TENM3: variants seen among roughly 807,000 people sequenced by gnomAD.
TENM3 encodes the protein teneurin-3.
A neutral mutation model predicts 255.1 loss-of-function variants in TENM3; 63 were observed. That is an observed-to-expected ratio of 0.25 (90% confidence interval 0.20 to 0.30). The LOEUF (loss-of-function observed/expected upper bound fraction) is 0.30, where lower values mean the gene tolerates loss of function less well. Ranked by LOEUF, TENM3 falls within the 10% of genes least tolerant of loss-of-function variation. TENM3 has a pLI of 1.00. For synonymous variants in TENM3, 1,306 were observed against 1,322.3 expected (o/e 0.99, Z 0.27); for missense variants, 2,929 against 3,461.1 (o/e 0.85, Z 3.86).
At chr4:182,151,000 A>G (rs1175901273) in intron 1 of TENM3, among the ~76,000 whole-genome samples, 3 of 152,130 alleles carry the variant, frequency 2.0e-5, no homozygotes, top group African/African-American at 4.8e-5. Flanking sequence ...GAGTTAAATT[A>G]TGCTCAACTA....
At chr4:182,459,155 C>CA (rs1163505588) in intron 3 of TENM3, among the ~76,000 whole-genome samples, 20 of 151,944 alleles carry the variant, frequency 1.3e-4, no homozygotes, top group African/African-American at 4.4e-4. Flanking sequence ...ACCAGCATTT[C>CA]AAAAAAATTA....
At chr4:181,736,409 G>T in the TENM3 span, among the ~76,000 whole-genome samples, 1 of 152,140 alleles carries the variant, frequency 6.6e-6, no homozygotes, top group Non-Finnish European at 1.5e-5. Flanking sequence ...AATTGCCAAT[G>T]ATAAGACAAC....
the TENM3 span, among the ~76,000 whole-genome samples, chr4:182,107,986 A>C: frequency 6.6e-6 from 1 of 152,110 alleles, no homozygotes; most frequent in African/African-American, 2.4e-5. Flanking sequence ...TTGTTTTGAC[A>C]TTTTTCTGTA....
Position 182,641,739 on chromosome 4 carries a change from C to T in TENM3, c.989-12032C>T, listed in dbSNP as rs1015253077. 1.2e-4 allele frequency among the ~76,000 whole-genome samples: 18 copies of T among 152,152 alleles called. No homozygotes were observed. The East Asian group carries it at 3.3e-3, about 28-fold the overall frequency. The stretch of plus-strand genomic sequence containing the variant: ...GCGGCGTTTTGCCATGTTGGTCAAG[C>T]TGGTCTCAAACTCCTGACCTCAAGT... On this transcript the variant is annotated intron_variant, in intron 5 of 27. Transcript: ENST00000511685.
the TENM3 span, among the ~76,000 whole-genome samples, chr4:182,091,824 C>A: frequency 6.6e-6 from 1 of 152,160 alleles, no homozygotes; most frequent in Non-Finnish European, 1.5e-5. Context: ...CAGACTCCTA[C>A]CCCTAGCATC....
At chr4:182,648,181 G>C (rs1316416696) in intron 5 of TENM3, among the ~76,000 whole-genome samples, 1 of 152,152 alleles carries the variant, frequency 6.6e-6, no homozygotes, top group Non-Finnish European at 1.5e-5. Flanking sequence ...GAAAGGAAAG[G>C]CTGCTAGCCT....
At chr4:181,817,560 C>T in the TENM3 span, among the ~76,000 whole-genome samples, 1,018 of 152,188 alleles carry the variant, frequency 6.7e-3, 20 homozygotes, top group African/African-American at 0.023. Flanking sequence ...AAAATTTATG[C>T]CTTGGAAACT....
At chr4:182,606,038 C>G (rs1748386658) in intron 4 of TENM3, among the ~76,000 whole-genome samples, 1 of 152,174 alleles carries the variant, frequency 6.6e-6, no homozygotes, top group African/African-American at 2.4e-5. Context: ...GCAGGTAAGG[C>G]TCCAGACTTG....
chr4:181,748,580 G>A, the TENM3 span, among the ~76,000 whole-genome samples: 1 of 152,056 alleles, frequency 6.6e-6, no homozygotes, highest in Non-Finnish European at 1.5e-5. Flanking sequence ...TTATACAGTA[G>A]CCAGAAGGCG....
At chr4:181,827,655 G>A in the TENM3 span, among the ~76,000 whole-genome samples, 9 of 152,088 alleles carry the variant, frequency 5.9e-5, no homozygotes, top group African/African-American at 1.2e-4. Context: ...TTGGTTCTTC[G>A]GTGAGACTGA....
At chr4:181,690,661 AT>A in the TENM3 span, among the ~76,000 whole-genome samples, 6 of 148,096 alleles carry the variant, frequency 4.1e-5, no homozygotes, top group Admixed American at 6.8e-5. Flanking sequence ...AAAAAAAAAA[AT>A]TCCCTGAAAG....
the TENM3 span, chr4:181,906,153 G>A: frequency 3.6e-6 from 1 of 274,422 alleles, no homozygotes. Context: ...TAAACAGTAA[G>A]CAGCCATCAA....
chr4:182,657,745 A>T (rs1433967594), intron 6 of TENM3, among the ~76,000 whole-genome samples: 1 of 151,994 alleles, frequency 6.6e-6, no homozygotes, highest in African/African-American at 2.4e-5. Flanking sequence ...TGCAGCCTTG[A>T]CCTCCTGGGC....
the TENM3 span, among the ~76,000 whole-genome samples, chr4:181,555,824 A>C: frequency 8.5e-5 from 13 of 152,222 alleles, no homozygotes. Flanking sequence ...TACATCATAC[A>C]TCACTTCTGC....
At position 182,792,533 on chromosome 4, in the gene TENM3, C is replaced by T; in HGVS notation, c.5861C>T (p.Thr1954Ile). ...RRVLFKYRRQ[T>I]RLSEILYDST... ...GTCTTATTCAAATACAGAAGGCAGA[C>T]TAGGCTCTCAGAAATTTTATATGAT... is the stretch of plus-strand genomic sequence containing the variant. The change falls in exon 26 of 28, where the codon ACT becomes ATT. Residue 1954 changes from threonine (T) to isoleucine (I), a missense_variant. Around this residue, in one of 6 missense-constraint regions of TENM3, gnomAD observed 303 missense variants for 425.2 expected, o/e 0.71. Transcript: ENST00000511685. The surrounding 1 kb of genome is among the most constrained non-coding windows in gnomAD (Gnocchi z 6.3). 1 of 1,613,996 alleles carries T rather than the reference C, an allele frequency of 6.2e-7. No homozygotes were observed. The highest frequency in any genetic ancestry group is 8.5e-7 in the Non-Finnish European group (1 of 1,179,902).
chr4:182,648,143 A>G (rs1752919741), intron 5 of TENM3, among the ~76,000 whole-genome samples: 2 of 152,194 alleles, frequency 1.3e-5, no homozygotes, highest in African/African-American at 4.8e-5. Context: ...AGCACAGACC[A>G]TCACAGTTGA....
chr4:182,641,658 G>T (rs936629739), intron 5 of TENM3, among the ~76,000 whole-genome samples: 2 of 152,026 alleles, frequency 1.3e-5, no homozygotes, highest in African/African-American at 2.4e-5. Flanking sequence ...CTCCCGAGTA[G>T]CTGGGATTAC....
rs997190771 is a variant in TENM3, at chr4:182,751,821, C to T, written c.3651C>T (p.Tyr1217=). The T allele has an allele frequency of 1.2e-6, 2 of 1,613,760 alleles. No individual in the cohort carries two copies. The highest frequency in any genetic ancestry group is 2.7e-5 in the African/African-American group (2 of 74,908). Residue 1217 remains tyrosine (Y), a synonymous_variant, in exon 20 of 28, where the codon TAC becomes TAT. Transcript: ENST00000511685. ...LELSSNPAHR[Y]YLATDPVTGD... ...ACAGCAGCAACCCAGCTCATAGATA[C>T]TACCTTGCAACGGATCCAGTCACGG...
chr4:182,664,187 T>C (rs1031322441), intron 6 of TENM3, among the ~76,000 whole-genome samples: 3 of 152,236 alleles, frequency 2.0e-5, no homozygotes, highest in Non-Finnish European at 4.4e-5. Context: ...ATCGGCACCA[T>C]TTTTCCAACA....
Sources: allele counts gnomAD v4.1 joint callset (sites outside exome capture counted in the v4.1 genomes callset), GRCh38; gene constraint gnomAD v4.1.1; regional missense constraint gnomAD v4.1.1; non-coding constraint Gnocchi (gnomAD v3.1); transcripts MANE v1.5; gene names NCBI Gene and HGNC (gene_info 2026-07-23, HGNC 2026-07-21).